Variants in WARS1 observed in about 807,000 individuals in gnomAD.
The protein encoded by WARS1 is tryptophan--tRNA ligase, cytoplasmic.
In WARS1, 17 loss-of-function variants were observed where a neutral mutation model predicts 47.8. That is an observed-to-expected ratio of 0.36 (90% confidence interval 0.24 to 0.53). WARS1 has a LOEUF of 0.53. Among genes scored for constraint, WARS1 ranks in the 20% least tolerant of loss-of-function variants. WARS1 has a pLI of 0.91. For missense variants in WARS1, 434 were observed against 608.0 expected, an observed-to-expected ratio of 0.71 and a Z score of 3.01; for synonymous variants, 208 against 228.1, an observed-to-expected ratio of 0.91 and a Z score of 0.79.
intron 9 of WARS1, 39 bp downstream of exon 9, chr14:100,342,359 T>C (rs1314806384): frequency 6.2e-7 from 1 of 1,611,852 alleles, no homozygotes; most frequent in South Asian, 1.1e-5. Context: ...GGCATGTTTC[T>C]GATCCCGCTG....
rs2139864449 is a variant in WARS1, at chr14:100,335,024, C to T, written c.1267G>A (p.Gly423Arg). 2 of 1,613,866 alleles carry T rather than the reference C, an allele frequency of 1.2e-6. No individual in the cohort carries two copies. Among genetic ancestry groups the T allele is most frequent in the Non-Finnish European group, 1.7e-6 (2 of 1,179,862 alleles). Residue 423 changes from glycine (G) to arginine (R), a missense_variant, in exon 11 of 11, where the codon GGA (glycine) becomes AGA (arginine). By Grantham distance (125) the Gly-to-Arg change is moderately radical. Around this residue, in one of 2 missense-constraint regions of WARS1, gnomAD observed 347 missense variants for 523.8 expected, o/e 0.66. Transcript: ENST00000392882. ...LEQIRKDYTS[G>R]AMLTGELKKA... ...TTGAGCTCACCGGTGAGCATGGCTC[C>T]GCTGGTGTAATCCTGCCCGGAGGGA...
At chr14:100,353,618 A>G in intron 6 of WARS1, 69 bp downstream of exon 6, 1 of 1,546,650 alleles carries the variant, frequency 6.5e-7, no homozygotes, top group Non-Finnish European at 8.8e-7. Flanking sequence ...TTTCGAATTT[A>G]GCTGTGGTCA....
At chr14:100,338,062 C>G (rs912286074) in intron 9 of WARS1, among the ~76,000 whole-genome samples, 10 of 152,018 alleles carry the variant, frequency 6.6e-5, no homozygotes, top group African/African-American at 2.4e-4. Flanking sequence ...GGCAAACCCA[C>G]GAGAAGTGCT....
intron 2 of WARS1, chr14:100,368,451 C>G: frequency 2.2e-6 from 1 of 455,996 alleles, no homozygotes; most frequent in Non-Finnish European, 4.4e-6. Flanking sequence ...TTCATTTCCA[C>G]CTGAAAGACC....
At position 100,334,840 on chromosome 14, in the gene WARS1, C is replaced by G; in HGVS notation, c.*35G>C. On this transcript the variant is annotated 3_prime_UTR_variant, in exon 11 of 11. Coordinates refer to ENST00000392882, the MANE Select transcript of WARS1 (RefSeq NM_004184.4). ...TGGGATTATTGATACATTACTGATA[C>G]ATCACTTCTTTTATAAGCATATGTA... 1 of 1,607,308 alleles carries G rather than the reference C, an allele frequency of 6.2e-7. No homozygotes were observed. The highest frequency in any genetic ancestry group is 8.5e-7 in the Non-Finnish European group (1 of 1,175,492).
rs79907075 is a variant in WARS1 at position 100,334,886 on chromosome 14, C to T, written c.1405G>A (p.Asp469Asn). The stretch of plus-strand genomic sequence containing the variant: ...ATGTAAAACGAGTGCTACTGAAAGT[C>T]GAAGGACAGCTTCCGGGGAGTCATG... Reference protein sequence around the residue: ...EFMTPRKLSFDFQ With the variant: ...EFMTPRKLSFNFQ Residue 469 changes from aspartate to asparagine, a missense_variant, in exon 11 of 11, where the codon GAC (aspartate) becomes AAC (asparagine). Asp to Asn is a conservative substitution (Grantham distance 23). Around this residue, in one of 2 missense-constraint regions of WARS1, gnomAD observed 347 missense variants for 523.8 expected, o/e 0.66. Transcript: ENST00000392882. The T allele has an allele frequency of 2.5e-5, 41 of 1,613,812 alleles. 1 individual carries two copies. Among genetic ancestry groups the T allele is most frequent in the South Asian group, 2.5e-4 (23 of 91,060 alleles).
intron 7 of WARS1, among the ~76,000 whole-genome samples, chr14:100,343,752 C>T (rs1035796629): frequency 6.6e-6 from 1 of 152,054 alleles, no homozygotes; most frequent in African/African-American, 2.4e-5. Context: ...ATTCTCCTGC[C>T]TCAGGCTCCC....
At chr14:100,355,512 C>T (rs781128833) in intron 4 of WARS1, among the ~76,000 whole-genome samples, 8 of 152,088 alleles carry the variant, frequency 5.3e-5, no homozygotes, top group African/African-American at 1.9e-4. Context: ...TGAGCCACTG[C>T]GCCTGGCCGG....
intron 9 of WARS1, among the ~76,000 whole-genome samples, chr14:100,339,106 CACACACACACACACACAT>C (rs1458316779): frequency 2.7e-4 from 9 of 33,528 alleles, no homozygotes; most frequent in Non-Finnish European, 5.5e-4. Context: ...AACTCCATCA[CACACACACACACACACAT>C]ACACACACAC....
At chr14:100,336,988 T>C (rs1893775594) in intron 10 of WARS1, 74 bp downstream of exon 10, 5 of 1,569,034 alleles carry the variant, frequency 3.2e-6, no homozygotes, top group Admixed American at 1.7e-5. Context: ...GCCTGGCTGT[T>C]GGAGCCTTCC....
At chr14:100,353,098 G>C (rs980509954) in intron 6 of WARS1, 1 of 152,200 alleles carries the variant, frequency 6.6e-6, no homozygotes, top group African/African-American at 2.4e-5. Flanking sequence ...ATCATGCTGT[G>C]GCTGAGCCCA....
chr14:100,365,897 T>C lies in WARS1; in HGVS notation c.99+3190A>G, dbSNP rs150322550. 22 of 405,608 alleles carry C rather than the reference T, an allele frequency of 5.4e-5. No homozygotes were observed. The East Asian group carries it at 1.5e-3, about 28-fold the overall frequency. 25.1% of individuals were successfully genotyped at this position (405,608 alleles called of 1,614,324 possible). On this transcript the variant is annotated intron_variant, in intron 2 of 10. Transcript: ENST00000392882. ...ATGGAAATACTGGAAGGTGACCGAG[T>C]GTACACTGTTACGGAATCACCCAAA... is the stretch of plus-strand genomic sequence containing the variant.
intron 1 of WARS1, among the ~76,000 whole-genome samples, chr14:100,369,527 C>T (rs1278358897): frequency 6.6e-6 from 1 of 151,924 alleles, no homozygotes; most frequent in Non-Finnish European, 1.5e-5. Flanking sequence ...GAGGGGCCCT[C>T]CTAGTCAAGA....
rs548945936 is a variant in WARS1 at position 100,340,845 on chromosome 14, C to T, written c.1113+1553G>A. On this transcript the variant is annotated intron_variant, in intron 9 of 10. Transcript: ENST00000392882. Reference sequence around the variant, plus strand: ...CTGACCTCATGCTAACTGCTCACCTCGAGGGCTCTACTGGTCCCTAAGTGA... The same window carrying T: ...CTGACCTCATGCTAACTGCTCACCTTGAGGGCTCTACTGGTCCCTAAGTGA... Among the ~76,000 whole-genome samples the T allele has an allele frequency of 4.7e-4, 71 of 152,148 alleles. 1 individual carries two copies. Among genetic ancestry groups the T allele is most frequent in the African/African-American group, 8.4e-4 (35 of 41,528 alleles).
intron 10 of WARS1, 71 bp from the exon 11 acceptor site, chr14:100,335,107 A>C: frequency 2.0e-6 from 3 of 1,523,030 alleles, no homozygotes; most frequent in Non-Finnish European, 2.7e-6. Flanking sequence ...TGCCTCGGGC[A>C]CCAGCTCAGC....
At chr14:100,376,271 G>A, upstream of WARS1, 1 of 713,864 alleles carries the variant, frequency 1.4e-6, no homozygotes, top group Non-Finnish European at 1.9e-6. Context: ...CTGCCCAGCC[G>A]GGCCAGTCAG....
chr14:100,340,724 C>T (rs920956068), intron 9 of WARS1, among the ~76,000 whole-genome samples: 6 of 151,998 alleles, frequency 3.9e-5, no homozygotes, highest in East Asian at 1.9e-4. Flanking sequence ...GAGCTGAAGT[C>T]GGGCACGGGG....
At chr14:100,371,916 G>C (rs976811809) in intron 1 of WARS1, among the ~76,000 whole-genome samples, 2 of 152,116 alleles carry the variant, frequency 1.3e-5, no homozygotes, top group Non-Finnish European at 2.9e-5. Flanking sequence ...TGACCGGCAC[G>C]TACACATCCA....
chr14:100,365,986 C>G, intron 2 of WARS1: 1 of 455,690 alleles, frequency 2.2e-6, no homozygotes, highest in Non-Finnish European at 4.4e-6. Context: ...GTTATGAAAA[C>G]AGGAGCGCTG....
Sources: allele counts gnomAD v4.1 joint callset (sites outside exome capture counted in the v4.1 genomes callset), GRCh38; gene constraint gnomAD v4.1.1; regional missense constraint gnomAD v4.1.1; transcripts MANE v1.5; gene names NCBI Gene and HGNC (gene_info 2026-07-23, HGNC 2026-07-21).